Variants in EXOC6B observed in about 807,000 individuals in gnomAD.
The protein encoded by EXOC6B is exocyst complex component 6B, also known as SEC15 homolog B.
A neutral mutation model predicts 113.5 loss-of-function variants in EXOC6B; 54 were observed. That is an observed-to-expected ratio of 0.48 (90% CI 0.38 to 0.60). EXOC6B has a LOEUF of 0.60. Among genes scored for constraint, EXOC6B ranks in the 20% least tolerant of loss-of-function variants. EXOC6B has a pLI of 0.00. For synonymous variants in EXOC6B, 357 were observed against 339.0 expected, an observed-to-expected ratio of 1.05 and a Z score of -0.58; for missense variants, 797 against 977.5, an observed-to-expected ratio of 0.82 and a Z score of 2.46.
At chr2:72,786,673 T>A (rs1183040765) in intron 1 of EXOC6B, among the ~76,000 whole-genome samples, 1 of 152,206 alleles carries the variant, frequency 6.6e-6, no homozygotes, top group Non-Finnish European at 1.5e-5. Context: ...GATCTGGATT[T>A]TTTTGTAAGT....
At chr2:72,804,481 G>A (rs1313642781) in intron 1 of EXOC6B, among the ~76,000 whole-genome samples, 1 of 152,090 alleles carries the variant, frequency 6.6e-6, no homozygotes, top group East Asian at 1.9e-4. Flanking sequence ...ACCTAATGGT[G>A]CAAAACAACA....
intron 6 of EXOC6B, among the ~76,000 whole-genome samples, chr2:72,648,820 T>C (rs1438236080): frequency 6.7e-6 from 1 of 150,222 alleles, no homozygotes; most frequent in African/African-American, 2.5e-5. Context: ...AATGTTGCAA[T>C]GTTCTCATTG....
intron 19 of EXOC6B, among the ~76,000 whole-genome samples, chr2:72,366,258 C>A (rs1690621805): frequency 1.3e-5 from 2 of 149,330 alleles, no homozygotes; most frequent in Non-Finnish European, 1.5e-5. Context: ...TCAAAAAGAA[C>A]AAAATGGAGT....
chr2:72,537,608 G>C (rs1702372239), intron 8 of EXOC6B, among the ~76,000 whole-genome samples: 1 of 152,076 alleles, frequency 6.6e-6, no homozygotes, highest in Non-Finnish European at 1.5e-5. Context: ...CTCCCAGCCT[G>C]GGCAACAGAG....
chr2:72,714,980 G>A lies in EXOC6B; in HGVS notation c.669+3123C>T, dbSNP rs143784942. On this transcript the variant is annotated intron_variant, in intron 6 of 21. Transcript: ENST00000272427. Reference sequence around the variant, plus strand: ...AAATGTGGACTAAATTTTAATAAACGTTTGTGCCAGGCACAGTGGCTCATG... The same window carrying A: ...AAATGTGGACTAAATTTTAATAAACATTTGTGCCAGGCACAGTGGCTCATG... Among the ~76,000 whole-genome samples, 508 of 152,202 alleles carry A rather than the reference G, an allele frequency of 3.3e-3. 2 individuals are homozygous for A. Among genetic ancestry groups the A allele is most frequent in the African/African-American group, 0.012 (483 of 41,534 alleles).
chr2:72,652,986 T>A (rs1421296201), intron 6 of EXOC6B, among the ~76,000 whole-genome samples: 2 of 151,394 alleles, frequency 1.3e-5, no homozygotes, highest in Non-Finnish European at 2.9e-5. Flanking sequence ...GTTATATATA[T>A]TTTTTTTAAT....
Position 72,562,302 on chromosome 2 carries a change from T to C in EXOC6B, c.847-2781A>G, listed in dbSNP as rs191348674. On this transcript the variant is annotated intron_variant, in intron 7 of 21. Transcript: ENST00000272427. ...TTTCAAAAATCTAAATAAAAAGGGG[T>C]GGGGAAGAGTATCAGAAGAAAATGT... Among the ~76,000 whole-genome samples the C allele has an allele frequency of 2.6e-3, 392 of 152,026 alleles. 2 individuals are homozygous for C. The highest frequency in any genetic ancestry group is 8.7e-3 in the African/African-American group (360 of 41,482).
chr2:72,380,543 G>T (rs1691619767), intron 18 of EXOC6B, among the ~76,000 whole-genome samples: 1 of 152,098 alleles, frequency 6.6e-6, no homozygotes, highest in Non-Finnish European at 1.5e-5. Context: ...AGAAGGCTGA[G>T]GCAGGAGAAT....
chr2:72,820,109 C>T lies in EXOC6B; in HGVS notation c.113+5689G>A, dbSNP rs79406202. On this transcript the variant is annotated intron_variant, in intron 1 of 21. Coordinates refer to ENST00000272427, the MANE Select transcript of EXOC6B (RefSeq NM_015189.3). ...AGTGGATGCCACATCCCCATATTCA[C>T]TTATCAAATGACCTTAAATAAAACA... 4.3e-3 allele frequency among the ~76,000 whole-genome samples: 658 copies of T among 152,232 alleles called. 31 individuals carry two copies. The East Asian group carries it at 0.11, about 25-fold the overall frequency.
intron 20 of EXOC6B, among the ~76,000 whole-genome samples, chr2:72,219,893 A>C (rs1021658385): frequency 2.0e-5 from 3 of 152,142 alleles, no homozygotes; most frequent in African/African-American, 7.2e-5. Context: ...AGATTGGTTA[A>C]GTGATTTGTG....
chr2:72,379,596 A>C (rs1691559631), intron 19 of EXOC6B, 133 bp downstream of exon 19: 4 of 818,450 alleles, frequency 4.9e-6, no homozygotes, highest in Non-Finnish European at 5.3e-6. Flanking sequence ...ATGTTCTATA[A>C]GTTATCTCTG....
At chr2:72,642,853 A>G (rs983137249) in intron 6 of EXOC6B, among the ~76,000 whole-genome samples, 4 of 150,810 alleles carry the variant, frequency 2.7e-5, no homozygotes, top group Non-Finnish European at 4.4e-5. Flanking sequence ...GAAAATTTTC[A>G]CAACCTACTC....
intron 20 of EXOC6B, among the ~76,000 whole-genome samples, chr2:72,270,798 TATG>T (rs566258251): frequency 6.0e-4 from 92 of 152,198 alleles, no homozygotes; most frequent in African/African-American, 2.1e-3. Context: ...CTTCAAAAAT[TATG>T]ATGATCAGAA....
In EXOC6B at chr2:72,408,042, C is replaced by T. The variant is rs1405761521; in HGVS notation, c.1981-28172G>A. Reference sequence around the variant, plus strand: ...TCTCAGGATAGAAAATCAATGTGCACAAATCACAACCATTCTTATACACCA... The same window carrying T: ...TCTCAGGATAGAAAATCAATGTGCATAAATCACAACCATTCTTATACACCA... On this transcript the variant is annotated intron_variant, in intron 18 of 21. Transcript: ENST00000272427. Among the ~76,000 whole-genome samples, 3 of 143,404 alleles carry T rather than the reference C, an allele frequency of 2.1e-5. No homozygotes were observed. In the East Asian group the frequency reaches 5.8e-4, roughly 28 times the overall value. 94.1% of individuals were successfully genotyped at this position (143,404 alleles called of 152,430 possible). A position where few individuals can be genotyped will look rare whatever the true frequency, so the allele number is the denominator to read the frequency against.
intron 1 of EXOC6B, among the ~76,000 whole-genome samples, chr2:72,789,792 T>C (rs1684575838): frequency 6.6e-6 from 1 of 152,222 alleles, no homozygotes; most frequent in South Asian, 2.1e-4. Flanking sequence ...TTATTGAATC[T>C]AGGTGATTGT....
At chr2:72,660,514 T>C (rs1424635988) in intron 6 of EXOC6B, among the ~76,000 whole-genome samples, 2 of 152,210 alleles carry the variant, frequency 1.3e-5, no homozygotes, top group Non-Finnish European at 2.9e-5. Context: ...CATTTGATTA[T>C]TAATTATCCT....
At chr2:72,441,889 C>T (rs1696222033) in intron 18 of EXOC6B, among the ~76,000 whole-genome samples, 2 of 152,222 alleles carry the variant, frequency 1.3e-5, no homozygotes, top group African/African-American at 4.8e-5. Context: ...AGACTCCTCC[C>T]TAATGCAATC....
At chr2:72,801,185 T>C (rs1180461107) in intron 1 of EXOC6B, among the ~76,000 whole-genome samples, 2 of 152,222 alleles carry the variant, frequency 1.3e-5, no homozygotes, top group African/African-American at 4.8e-5. Context: ...AACAGCAATT[T>C]CTACTGAGGT....
At chr2:72,511,759 G>A (rs1700913180) in intron 11 of EXOC6B, among the ~76,000 whole-genome samples, 1 of 152,112 alleles carries the variant, frequency 6.6e-6, no homozygotes, top group South Asian at 2.1e-4. Flanking sequence ...TTCACCCTAT[G>A]TTCTATCCAC....
Sources: allele counts gnomAD v4.1 joint callset (sites outside exome capture counted in the v4.1 genomes callset), GRCh38; gene constraint gnomAD v4.1.1; transcripts MANE v1.5; gene names NCBI Gene and HGNC (gene_info 2026-07-23, HGNC 2026-07-21).